Variants in MICAL3 observed in about 807,000 individuals in gnomAD.
MICAL3 encodes the protein microtubule associated monooxygenase, calponin and LIM domain containing 3, also known as [F-actin]-monooxygenase MICAL3.
A neutral mutation model predicts 207.4 loss-of-function variants in MICAL3; 62 were observed. The ratio of observed to expected loss-of-function variants is 0.30; its 90% CI spans 0.24 to 0.37. The LOEUF (loss-of-function observed/expected upper bound fraction) is 0.37. Ranked by LOEUF, MICAL3 falls within the 10% of genes least tolerant of loss-of-function variation. The pLI is 1.00. For synonymous variants in MICAL3, 1,077 were observed against 1,069.3 expected (o/e 1.01, Z -0.14); for missense variants, 2,368 against 2,635.6 (o/e 0.90, Z 2.22).
chr22:17,896,337 T>C lies in MICAL3; in HGVS notation c.1231A>G (p.Ile411Val), dbSNP rs1199483957. The stretch of plus-strand genomic sequence containing the variant: ...ATAGCAGCTAGAAAGCCCCGGGCTA[T>C]TCCTGTTCCCATTGGCCAGAAAGGC... ...LEPFWPMGTGIARGFLAAMDS... is the reference protein window; with the variant it reads ...LEPFWPMGTGVARGFLAAMDS... Residue 411 changes from isoleucine to valine, a missense_variant, in exon 9 of 32, where the codon ATA becomes GTA. Ile to Val is a conservative substitution (Grantham distance 29). Around this residue, in one of 4 missense-constraint regions of MICAL3, gnomAD observed 400 missense variants for 547.0 expected, o/e 0.73. Coordinates refer to ENST00000441493, the MANE Select transcript of MICAL3 (RefSeq NM_015241.3). 1.9e-6 allele frequency: 3 copies of C among 1,557,158 alleles called. No homozygotes were observed. Among genetic ancestry groups the C allele is most frequent in the Non-Finnish European group, 8.7e-7 (1 of 1,149,838 alleles).
At chr22:17,911,326 T>C (rs1932126074) in intron 1 of MICAL3, among the ~76,000 whole-genome samples, 1 of 135,706 alleles carries the variant, frequency 7.4e-6, no homozygotes, top group Non-Finnish European at 1.6e-5. Context: ...AGAATCATGT[T>C]TAAAAATAGA....
At chr22:18,000,979 C>T (rs1309664521) in intron 1 of MICAL3, 2 of 152,158 alleles carry the variant, frequency 1.3e-5, no homozygotes, top group Non-Finnish European at 2.9e-5. Flanking sequence ...CCCCCGACCC[C>T]GCACCCAGAG....
chr22:17,956,582 T>C (rs892402828), intron 1 of MICAL3, among the ~76,000 whole-genome samples: 15 of 152,096 alleles, frequency 9.9e-5, no homozygotes, highest in African/African-American at 2.9e-4. Flanking sequence ...GGCAGGAGAA[T>C]TGCTTGAACC....
intron 1 of MICAL3, among the ~76,000 whole-genome samples, chr22:17,944,700 C>T (rs1234155242): frequency 2.6e-5 from 4 of 152,088 alleles, no homozygotes; most frequent in East Asian, 1.9e-4. Context: ...TTTCACGTGC[C>T]GCTCCAGGGG....
In MICAL3 at chr22:17,896,932, T is replaced by C. The variant is rs1276890494; in HGVS notation, c.998A>G (p.Glu333Gly). Residue 333 changes from glutamate (E) to glycine (G), a missense_variant, in exon 8 of 32, where the codon GAG (glutamate) becomes GGG (glycine). Around this residue, in one of 4 missense-constraint regions of MICAL3, gnomAD observed 400 missense variants for 547.0 expected, o/e 0.73. Transcript: ENST00000441493. ...CTCCCTGGCATAGCTGAGCAGAGCC[T>C]CCTGGTCCACGTTTTCTCGGGAAAG... ...LLLSRENVDQEALLSYAREAA... is the reference protein window; with the variant it reads ...LLLSRENVDQGALLSYAREAA... 1 of 1,613,876 alleles carries C rather than the reference T, an allele frequency of 6.2e-7. No individual in the cohort carries two copies. The highest frequency in any genetic ancestry group is 8.5e-7 in the Non-Finnish European group (1 of 1,179,860).
At position 17,793,457 on chromosome 22, in the gene MICAL3, C is replaced by A. The variant is rs1377179515; in HGVS notation, c.5651-2156G>T. Among the ~76,000 whole-genome samples the A allele has an allele frequency of 6.6e-6, 1 of 152,172 alleles. No homozygotes were observed. The highest frequency in any genetic ancestry group is 2.4e-5 in the African/African-American group (1 of 41,436). ...CTGATGGATCTGAGACTTAAAGCCC[C>A]AGCCACGAAGGGCCAGCCAATGCTG... On this transcript the variant is annotated intron_variant, in intron 29 of 31. Transcript: ENST00000441493. The surrounding 1 kb of genome is among the most constrained non-coding windows in gnomAD (Gnocchi z 4.1).
intron 22 of MICAL3, 54 bp downstream of exon 22, chr22:17,827,590 C>G (rs1477334479): frequency 6.7e-7 from 1 of 1,497,726 alleles, no homozygotes; most frequent in Non-Finnish European, 9.0e-7. Flanking sequence ...GCGACAGAGG[C>G]AGCAGGCGGG....
intron 16 of MICAL3, among the ~76,000 whole-genome samples, chr22:17,877,749 C>T (rs1214713435): frequency 6.6e-6 from 1 of 152,036 alleles, no homozygotes; most frequent in Non-Finnish European, 1.5e-5. Context: ...CTCCTGAGCT[C>T]AAAAACCCTA....
At chr22:18,005,033 A>C (rs1303044201) in intron 1 of MICAL3, 1 of 151,680 alleles carries the variant, frequency 6.6e-6, no homozygotes, top group African/African-American at 2.4e-5. Flanking sequence ...TCCTGATTTC[A>C]AGCGATTCTC....
intron 1 of MICAL3, among the ~76,000 whole-genome samples, chr22:17,994,571 G>T (rs564156404): frequency 6.6e-6 from 1 of 152,224 alleles, no homozygotes; most frequent in East Asian, 1.9e-4. Flanking sequence ...AAATTAGTCG[G>T]GTGTGGTGGT....
chr22:17,836,218 C>T (rs1923348963), intron 20 of MICAL3, among the ~76,000 whole-genome samples: 1 of 152,238 alleles, frequency 6.6e-6, no homozygotes, highest in African/African-American at 2.4e-5. Flanking sequence ...CAGTCCTCTG[C>T]TGTGTCAAGA....
intron 19 of MICAL3, chr22:17,864,024 G>T: frequency 6.1e-6 from 6 of 985,912 alleles, no homozygotes; most frequent in Non-Finnish European, 7.2e-6. Context: ...ACCTGGAGCT[G>T]TATGTGGGAC....
rs1453109964 is a variant in MICAL3, at chr22:17,808,909, T to C, written c.5585A>G (p.Glu1862Gly). 6.4e-7 allele frequency: 1 copy of C among 1,553,770 alleles called. No homozygotes were observed. The highest frequency in any genetic ancestry group is 1.9e-5 in the Admixed American group (1 of 51,610). The change falls in exon 29 of 32, where the codon GAG (glutamate) becomes GGG (glycine). Residue 1862 changes from glutamate (E) to glycine (G), a missense_variant. By Grantham distance (98) the Glu-to-Gly change is moderately conservative (BLOSUM62 -2). Coordinates refer to ENST00000441493, the MANE Select transcript of MICAL3 (RefSeq NM_015241.3). ...TTCCTCCAGCCGCCGCTGCCTCTCC[T>C]CCACCTGCTGCAGCTGCCGCTGGAT... is the stretch of plus-strand genomic sequence containing the variant. ...QIIQRQLQQV[E>G]ERQRRLEERG... is the part of the protein sequence containing the mutation.
rs191731135 is a variant in MICAL3 at position 17,793,317 on chromosome 22, G to A, written c.5651-2016C>T. 6.6e-6 allele frequency among the ~76,000 whole-genome samples: 1 copy of A among 152,204 alleles called. No homozygotes were observed. The stretch of plus-strand genomic sequence containing the variant: ...TTGCTTTCAGTGGTTGTTTGGAAAG[G>A]GGCCCGAGGGCACTGGTGTAGATCA... On this transcript the variant is annotated intron_variant, in intron 29 of 31. Transcript: ENST00000441493. This position sits in a 1 kb window ranked among gnomAD's most constrained non-coding sequence, Gnocchi z 4.1.
chr22:17,956,745 G>A (rs1391291782), intron 1 of MICAL3, among the ~76,000 whole-genome samples: 1 of 152,182 alleles, frequency 6.6e-6, no homozygotes. Flanking sequence ...AGGGAGGACT[G>A]CTTACGTGCA....
intron 29 of MICAL3, among the ~76,000 whole-genome samples, chr22:17,805,981 C>T (rs531632073): frequency 1.3e-3 from 205 of 152,310 alleles, no homozygotes; most frequent in African/African-American, 4.4e-3. Flanking sequence ...CCGCCCACCT[C>T]GGCCTCCCAA....
At chr22:17,857,970 C>T (rs1203897684) in intron 19 of MICAL3, among the ~76,000 whole-genome samples, 2 of 152,200 alleles carry the variant, frequency 1.3e-5, no homozygotes, top group Admixed American at 1.3e-4. Context: ...TTCTTGGAGA[C>T]CCATTAAAGG....
At chr22:17,942,528 T>G (rs144086419) in intron 1 of MICAL3, among the ~76,000 whole-genome samples, 1 of 152,168 alleles carries the variant, frequency 6.6e-6, no homozygotes, top group Non-Finnish European at 1.5e-5. Context: ...AATGATCATA[T>G]GTAAAATCTA....
intron 19 of MICAL3, among the ~76,000 whole-genome samples, chr22:17,844,852 C>A (rs1924465757): frequency 6.6e-6 from 1 of 152,170 alleles, no homozygotes; most frequent in Non-Finnish European, 1.5e-5. Flanking sequence ...AGGCAGAGGG[C>A]AATCCTGATA....
Sources: allele counts gnomAD v4.1 joint callset (sites outside exome capture counted in the v4.1 genomes callset), GRCh38; gene constraint gnomAD v4.1.1; regional missense constraint gnomAD v4.1.1; non-coding constraint Gnocchi (gnomAD v3.1); transcripts MANE v1.5; gene names NCBI Gene and HGNC (gene_info 2026-07-23, HGNC 2026-07-21).